Variants in RASA3 observed in about 807,000 individuals in gnomAD.
The protein encoded by RASA3 is ras GTPase-activating protein 3.
Under a neutral mutation model 110.0 loss-of-function variants are expected in RASA3, and 73 were observed. That is an observed-to-expected ratio of 0.66 (90% CI 0.55 to 0.81). The LOEUF (loss-of-function observed/expected upper bound fraction) is 0.81. RASA3 is among the 30% of genes least tolerant of loss of function. The probability of loss-of-function intolerance (pLI) is 0.00; values close to 1 mark genes in which losing one functional copy is unlikely to be tolerated. For synonymous variants in RASA3, 500 were observed against 451.4 expected (o/e 1.11, Z -1.37); for missense variants, 976 against 1,113.2 (o/e 0.88, Z 1.75).
rs376873494 is a variant in RASA3, at chr13:114,059,811, G to GCT, written c.174-7658_174-7657dup. On this transcript the variant is annotated intron_variant, in intron 2 of 23. Transcript: ENST00000334062. ...GCTCACTGGACCCAGAAACCACAGC[G>GCT]CTCTCTCTCTCCATGACTGTTTCAG... Among the ~76,000 whole-genome samples, 516 of 152,302 alleles carry GCT rather than the reference G, an allele frequency of 3.4e-3. 4 individuals are homozygous for GCT. The highest frequency in any genetic ancestry group is 0.011 in the African/African-American group (469 of 41,570).
chr13:114,025,889 A>G (rs902681983), intron 7 of RASA3, among the ~76,000 whole-genome samples: 3 of 152,206 alleles, frequency 2.0e-5, no homozygotes, highest in Admixed American at 1.3e-4. Flanking sequence ...CTGGGTCAGA[A>G]GCAGCTGAAG....
chr13:114,118,809 T>C (rs1463171970), intron 1 of RASA3, among the ~76,000 whole-genome samples: 1 of 152,216 alleles, frequency 6.6e-6, no homozygotes, highest in Non-Finnish European at 1.5e-5. Context: ...AGCTGTATCC[T>C]GCCTGAAAAA....
intron 17 of RASA3, among the ~76,000 whole-genome samples, chr13:114,009,109 G>A (rs899120394): frequency 1.3e-5 from 2 of 152,220 alleles, no homozygotes; most frequent in African/African-American, 2.4e-5. Flanking sequence ...GGTGGGACGC[G>A]CCCTCATTCG....
chr13:113,994,208 T>C (rs2053183916), intron 21 of RASA3, among the ~76,000 whole-genome samples: 1 of 152,232 alleles, frequency 6.6e-6, no homozygotes, highest in East Asian at 1.9e-4. Flanking sequence ...AGTGGGTTTC[T>C]GCTAATGAAC....
At chr13:114,031,536 CTGTG>C (rs2054169209) in intron 4 of RASA3, among the ~76,000 whole-genome samples, 1 of 74,990 alleles carries the variant, frequency 1.3e-5, no homozygotes, top group Non-Finnish European at 2.5e-5. Context: ...GTGTGTCCAC[CTGTG>C]TATGTGTGTT....
At chr13:114,023,786 C>T (rs72659539) in intron 8 of RASA3, among the ~76,000 whole-genome samples, 15,403 of 152,276 alleles carry the variant, frequency 0.1, 1,019 homozygotes, top group Non-Finnish European at 0.15. Context: ...TATGACCATA[C>T]ACAGGAAACA....
intron 3 of RASA3, among the ~76,000 whole-genome samples, chr13:114,045,205 G>C (rs975129166): frequency 6.6e-6 from 1 of 152,188 alleles, no homozygotes; most frequent in South Asian, 2.1e-4. Flanking sequence ...AAGCCACGGC[G>C]TCTACTTAAA....
chr13:114,107,987 G>T (rs1040478424), intron 1 of RASA3, among the ~76,000 whole-genome samples: 2 of 152,008 alleles, frequency 1.3e-5, no homozygotes, highest in Non-Finnish European at 2.9e-5. Flanking sequence ...GCATGGTGGG[G>T]GTGGCCCTGC....
intron 9 of RASA3, among the ~76,000 whole-genome samples, chr13:114,020,811 T>C (rs966876020): frequency 1.3e-5 from 2 of 152,198 alleles, no homozygotes; most frequent in Non-Finnish European, 2.9e-5. Flanking sequence ...TAGAGAACCC[T>C]GTAATGCGCC....
At chr13:114,077,032 T>G (rs2139682612) in intron 1 of RASA3, among the ~76,000 whole-genome samples, 1 of 152,242 alleles carries the variant, frequency 6.6e-6, no homozygotes, top group South Asian at 2.1e-4. Flanking sequence ...TATTTAGCTG[T>G]AAGTTCCTGT....
Position 114,091,832 on chromosome 13 carries a change from TC to T in RASA3, c.56-17996del, listed in dbSNP as rs2079892742. Among the ~76,000 whole-genome samples, 2 of 152,114 alleles carry T rather than the reference TC, an allele frequency of 1.3e-5. 1 individual carries two copies. The highest frequency in any genetic ancestry group is 4.1e-4 in the South Asian group (2 of 4,820). ...ATGATCCATCAGGGCCTGGGCTTTT[TC>T]TTTGCTGGGAGATTTTTTGTTCTGA... On this transcript the variant is annotated intron_variant, in intron 1 of 23. Coordinates refer to ENST00000334062, the MANE Select transcript of RASA3 (RefSeq NM_007368.4).
chr13:114,109,693 C>T (rs2080189389), intron 1 of RASA3, among the ~76,000 whole-genome samples: 1 of 152,212 alleles, frequency 6.6e-6, no homozygotes, highest in East Asian at 1.9e-4. Context: ...TCTGCTCCAT[C>T]CCGGCTGTGC....
rs780682437 is a variant in RASA3 at position 114,027,473 on chromosome 13, T to C, written c.531-12A>G. The C allele has an allele frequency of 6.2e-7, 1 of 1,601,212 alleles. No individual in the cohort carries two copies. Among genetic ancestry groups the C allele is most frequent in the Non-Finnish European group, 8.6e-7 (1 of 1,168,564 alleles). ...TCTTTGCTTCTGATCTGTTATCAAG[T>C]GAGAAAGGATTGGGATTAAAACAAC... On this transcript the variant is annotated splice_polypyrimidine_tract_variant and intron_variant, in intron 6 of 23. Coordinates refer to ENST00000334062, the MANE Select transcript of RASA3 (RefSeq NM_007368.4).
rs146683884 is a variant in RASA3 at position 114,057,991 on chromosome 13, G to A, written c.174-5836C>T. ...GGAGGTCGGAGTCCCGGAGGTGGGT[G>A]GGGGTGGTGAGTTCCCAGGTCACTT... On this transcript the variant is annotated intron_variant, in intron 2 of 23. Coordinates refer to ENST00000334062, the MANE Select transcript of RASA3 (RefSeq NM_007368.4). The surrounding 1 kb of genome is among the most constrained non-coding windows in gnomAD (Gnocchi z 5.0). Among the ~76,000 whole-genome samples, 1 of 152,278 alleles carries A rather than the reference G, an allele frequency of 6.6e-6. No homozygotes were observed. Among genetic ancestry groups the A allele is most frequent in the Non-Finnish European group, 1.5e-5 (1 of 68,028 alleles).
In RASA3 at chr13:113,996,511, G is replaced by C; in HGVS notation, c.2141+20C>G. On this transcript the variant is annotated intron_variant, in intron 21 of 23. Transcript: ENST00000334062. ...ATTTCCTGCACAGTGCACGAGCTGG[G>C]CACCGAGGCACAGACCTACCCAGTG... 6.2e-7 allele frequency: 1 copy of C among 1,606,568 alleles called. No individual in the cohort carries two copies. The highest frequency in any genetic ancestry group is 8.5e-7 in the Non-Finnish European group (1 of 1,176,382).
At chr13:114,081,447 A>G (rs1486050901) in intron 1 of RASA3, among the ~76,000 whole-genome samples, 2 of 152,082 alleles carry the variant, frequency 1.3e-5, no homozygotes, top group Admixed American at 6.5e-5. Context: ...CAGCACATGC[A>G]CTCTCGTGGT....
At chr13:113,998,922 C>T (rs879301655) in intron 20 of RASA3, among the ~76,000 whole-genome samples, 3 of 152,210 alleles carry the variant, frequency 2.0e-5, no homozygotes, top group Non-Finnish European at 4.4e-5. Context: ...TGTGGTCGCG[C>T]CGGCGACGTG....
At chr13:114,121,608 T>G (rs1174849441) in intron 1 of RASA3, among the ~76,000 whole-genome samples, 2 of 152,150 alleles carry the variant, frequency 1.3e-5, no homozygotes, top group African/African-American at 2.4e-5. Flanking sequence ...TGCGGACTCC[T>G]CCCTCAGCCT....
chr13:114,073,775 C>G lies in RASA3; in HGVS notation c.118G>C (p.Val40Leu). ...PSKMRDCYCT[V>L]NLDQEEVFRT... ...AAAACCTCCTCCTGGTCCAGGTTCA[C>G]CGTGCAGTAGCAATCCCTCATCTTG... The change falls in exon 2 of 24, where the codon GTG (valine) becomes CTG (leucine). Residue 40 changes from valine (V) to leucine (L), a missense_variant. Coordinates refer to ENST00000334062, the MANE Select transcript of RASA3 (RefSeq NM_007368.4). 6.2e-7 allele frequency: 1 copy of G among 1,614,248 alleles called. No homozygotes were observed. Among genetic ancestry groups the G allele is most frequent in the Non-Finnish European group, 8.5e-7 (1 of 1,180,046 alleles).
Sources: allele counts gnomAD v4.1 joint callset (sites outside exome capture counted in the v4.1 genomes callset), GRCh38; gene constraint gnomAD v4.1.1; non-coding constraint Gnocchi (gnomAD v3.1); transcripts MANE v1.5; gene names NCBI Gene and HGNC (gene_info 2026-07-23, HGNC 2026-07-21).